Variants in TMOD1 observed in about 807,000 individuals in gnomAD.
TMOD1 encodes the protein tropomodulin 1, also known as tropomodulin-1.
Under a neutral mutation model 40.6 loss-of-function variants are expected in TMOD1, and 17 were observed. That is an observed-to-expected ratio of 0.42 (90% confidence interval 0.29 to 0.63). TMOD1 has a LOEUF of 0.63. Among genes scored for constraint, TMOD1 ranks in the 20% least tolerant of loss-of-function variants. TMOD1 has a pLI of 0.22. For synonymous variants in TMOD1, 181 were observed against 175.0 expected (o/e 1.03, Z -0.27); for missense variants, 391 against 447.6 (o/e 0.87, Z 1.14).
chr9:97,578,976 TG>T lies in TMOD1; in HGVS notation c.870+9941del, dbSNP rs369372805. 2.9e-4 allele frequency among the ~76,000 whole-genome samples: 44 copies of T among 152,236 alleles called. No homozygotes were observed. In the South Asian group the frequency reaches 6.6e-3, roughly 23 times the overall value. On this transcript the variant is annotated intron_variant, in intron 8 of 9. Transcript: ENST00000259365. ...GCCAGTTCCTTCTTGGGGCCTCAGATGGTTGCTGTGCCATCTCCAGGCCAAA... is the reference window on the plus strand; with the variant it reads ...GCCAGTTCCTTCTTGGGGCCTCAGATGTTGCTGTGCCATCTCCAGGCCAAA...
intron 1 of TMOD1, among the ~76,000 whole-genome samples, chr9:97,504,640 C>T (rs931560595): frequency 1.3e-5 from 2 of 152,184 alleles, no homozygotes; most frequent in Admixed American, 1.3e-4. Context: ...GATCCTGGCT[C>T]AGACCCCTAT....
At chr9:97,568,783 T>G in intron 7 of TMOD1, 111 bp from the exon 8 acceptor site, 2 of 1,277,982 alleles carry the variant, frequency 1.6e-6, no homozygotes, top group Non-Finnish European at 2.2e-6. Context: ...GTGAAGGACA[T>G]GGTGGAGATC....
intron 7 of TMOD1, among the ~76,000 whole-genome samples, chr9:97,568,094 A>G (rs769473076): frequency 6.6e-6 from 1 of 152,168 alleles, no homozygotes; most frequent in African/African-American, 2.4e-5. Context: ...TCACTTGCCC[A>G]GTGGGTGGTT....
chr9:97,560,954 C>T (rs1055551302), intron 4 of TMOD1, among the ~76,000 whole-genome samples: 2 of 152,270 alleles, frequency 1.3e-5, no homozygotes, highest in South Asian at 4.1e-4. Flanking sequence ...AAAGCAGGAG[C>T]AGCTATGAGC....
chr9:97,573,728 AG>A (rs1270231992), intron 8 of TMOD1, among the ~76,000 whole-genome samples: 1 of 152,118 alleles, frequency 6.6e-6, no homozygotes, highest in Non-Finnish European at 1.5e-5. Flanking sequence ...CACCCGGCCT[AG>A]GGCTGTTGGA....
At chr9:97,547,509 G>T (rs1205893942) in intron 3 of TMOD1, among the ~76,000 whole-genome samples, 1 of 152,212 alleles carries the variant, frequency 6.6e-6, no homozygotes, top group Non-Finnish European at 1.5e-5. Context: ...GTAAAACAGG[G>T]ATGATGAAAA....
At chr9:97,589,584 T>G (rs952354542) in intron 8 of TMOD1, among the ~76,000 whole-genome samples, 6 of 152,096 alleles carry the variant, frequency 3.9e-5, no homozygotes, top group African/African-American at 1.2e-4. Context: ...CGGCCGGAAC[T>G]CACTAATTTT....
In TMOD1 at chr9:97,562,666, T is replaced by A. The variant is rs1011535431; in HGVS notation, c.398-66T>A. ...GAGCCAGAGTTCCCGGGGTTTGGAG[T>A]GTGGGTCCCTAGGAGGCTCTTCTGT... On this transcript the variant is annotated intron_variant, in intron 4 of 9. Coordinates refer to ENST00000259365, the MANE Select transcript of TMOD1 (RefSeq NM_003275.4). 8.2e-6 allele frequency: 10 copies of A among 1,213,898 alleles called. No homozygotes were observed. In the East Asian group the frequency reaches 2.8e-4, roughly 35 times the overall value. 75.2% of individuals were successfully genotyped at this position (1,213,898 alleles called of 1,614,324 possible).
At position 97,601,046 on chromosome 9, in the gene TMOD1, G is replaced by C; in HGVS notation, c.*1348G>C. 2 of 1,303,888 alleles carry C rather than the reference G, an allele frequency of 1.5e-6. No individual in the cohort carries two copies. The highest frequency in any genetic ancestry group is 2.0e-6 in the Non-Finnish European group (2 of 988,750). The allele number at this position is 1,303,888 out of a possible 1,614,324, so 80.8% of individuals were successfully genotyped here. A position where few individuals can be genotyped will look rare whatever the true frequency, so the allele number is the denominator to read the frequency against. On this transcript the variant is annotated 3_prime_UTR_variant, in exon 10 of 10. Coordinates refer to ENST00000259365, the MANE Select transcript of TMOD1 (RefSeq NM_003275.4). ...AAGGTGAAGGCCTGCGCACTGAACT[G>C]TAAGGCAGTGGGCAGTACAGGGTAA...
rs148292115 is a variant in TMOD1, at chr9:97,504,372, A to G, written c.-49+2569A>G. ...TCAACAGAGCCAGCAACTCTTTCTAAAAGCTTGGATGAGAAAGGAAGGGAG... is the reference window on the plus strand; with the variant it reads ...TCAACAGAGCCAGCAACTCTTTCTAGAAGCTTGGATGAGAAAGGAAGGGAG... On this transcript the variant is annotated intron_variant, in intron 1 of 9. Transcript: ENST00000259365. Among the ~76,000 whole-genome samples, 612 of 152,216 alleles carry G rather than the reference A, an allele frequency of 4.0e-3. 6 individuals are homozygous for G. The highest frequency in any genetic ancestry group is 0.014 in the African/African-American group (590 of 41,528).
At chr9:97,562,570 T>A (rs529748092) in intron 4 of TMOD1, among the ~76,000 whole-genome samples, 162 bp from the exon 5 acceptor site, 1 of 152,290 alleles carries the variant, frequency 6.6e-6, no homozygotes, top group East Asian at 1.9e-4. Context: ...CAGAGTCACA[T>A]CAATAGAGGT....
chr9:97,572,006 A>C (rs1454622059), intron 8 of TMOD1, among the ~76,000 whole-genome samples: 1 of 152,248 alleles, frequency 6.6e-6, no homozygotes, highest in East Asian at 1.9e-4. Context: ...AGATGGTTGC[A>C]GAAATGACCA....
At chr9:97,558,233 T>G (rs762600558) in intron 4 of TMOD1, among the ~76,000 whole-genome samples, 90 of 152,360 alleles carry the variant, frequency 5.9e-4, no homozygotes, top group Admixed American at 1.4e-3. Flanking sequence ...CCTCCTAGAA[T>G]AAATATATGT....
intron 6 of TMOD1, among the ~76,000 whole-genome samples, chr9:97,565,566 A>G (rs1369712100): frequency 6.6e-6 from 1 of 152,064 alleles, no homozygotes; most frequent in African/African-American, 2.4e-5. Context: ...TCTTTGCACA[A>G]TACTACACGC....
At position 97,600,435 on chromosome 9, in the gene TMOD1, T is replaced by G; in HGVS notation, c.*737T>G. On this transcript the variant is annotated 3_prime_UTR_variant, in exon 10 of 10. Coordinates refer to ENST00000259365, the MANE Select transcript of TMOD1 (RefSeq NM_003275.4). The stretch of plus-strand genomic sequence containing the variant: ...GAACATTTGGGATTTATGTACAATT[T>G]AATACTGGAGTTAGAACTTTTTCCT... 1.0e-6 allele frequency: 1 copy of G among 985,694 alleles called. No homozygotes were observed. The highest frequency in any genetic ancestry group is 1.2e-6 in the Non-Finnish European group (1 of 830,088). 61.1% of individuals were successfully genotyped at this position (985,694 alleles called of 1,614,324 possible).
chr9:97,586,568 T>G (rs1356978859), intron 8 of TMOD1, among the ~76,000 whole-genome samples: 55 of 150,654 alleles, frequency 3.7e-4, no homozygotes, highest in African/African-American at 1.0e-3. Context: ...GTTTACCTAA[T>G]CAAGCCTGGG....
chr9:97,528,072 C>T (rs958482944), intron 2 of TMOD1, among the ~76,000 whole-genome samples: 16 of 152,142 alleles, frequency 1.1e-4, no homozygotes, highest in Admixed American at 2.6e-4. Context: ...AAAGAGCTCC[C>T]GCAGGTCTGC....
At chr9:97,542,577 G>T (rs1830289926) in intron 2 of TMOD1, among the ~76,000 whole-genome samples, 2 of 152,174 alleles carry the variant, frequency 1.3e-5, no homozygotes, top group Admixed American at 1.3e-4. Context: ...TGGTGGCTGG[G>T]CATGGAGGCT....
chr9:97,561,954 C>T (rs150075840), intron 4 of TMOD1, among the ~76,000 whole-genome samples: 5 of 152,314 alleles, frequency 3.3e-5, no homozygotes, highest in Admixed American at 6.5e-5. Context: ...TCAGCATACC[C>T]TGTGCTGGTT....
Sources: allele counts gnomAD v4.1 joint callset (sites outside exome capture counted in the v4.1 genomes callset), GRCh38; gene constraint gnomAD v4.1.1; transcripts MANE v1.5; gene names NCBI Gene and HGNC (gene_info 2026-07-23, HGNC 2026-07-21).